CSMD1: variants seen among roughly 807,000 people sequenced by gnomAD.
CSMD1 encodes the protein CUB and Sushi multiple domains 1, also known as CUB and sushi domain-containing protein 1.
CSMD1 carries 213 observed loss-of-function variants against 417.5 expected under a neutral mutation model. The ratio of observed to expected loss-of-function variants is 0.51; its 90% CI spans 0.46 to 0.57. The LOEUF (loss-of-function observed/expected upper bound fraction) is 0.57. CSMD1 is among the 20% of genes least tolerant of loss of function. CSMD1 has a pLI of 0.00. For synonymous variants in CSMD1, 2,862 were observed against 1,736.8 expected (o/e 1.65, Z -16.11); for missense variants, 6,923 against 4,529.7 (o/e 1.53, Z -15.17).
intron 10 of CSMD1, among the ~76,000 whole-genome samples, chr8:3,561,639 G>C (rs927818887): frequency 6.6e-6 from 1 of 152,144 alleles, no homozygotes; most frequent in Non-Finnish European, 1.5e-5. Flanking sequence ...AGAGAGGCAG[G>C]AGAGTAAAGC....
Position 4,402,841 on chromosome 8 carries a change from G to C in CSMD1, c.415+17112C>G, listed in dbSNP as rs761536986. ...TTTTTCTTTTTTTTTTTTTTTTGGA[G>C]ACAGAGCCTTGCTCTGTTGCCAGGC... On this transcript the variant is annotated intron_variant, in intron 3 of 69. Transcript: ENST00000635120. Among the ~76,000 whole-genome samples, 11 of 100,162 alleles carry C rather than the reference G, an allele frequency of 1.1e-4. No homozygotes were observed. In the East Asian group the frequency reaches 1.4e-3, roughly 12 times the overall value. 65.7% of individuals were successfully genotyped at this position (100,162 alleles called of 152,430 possible).
chr8:3,905,903 C>G (rs1161553588), intron 5 of CSMD1, among the ~76,000 whole-genome samples: 1 of 152,204 alleles, frequency 6.6e-6, no homozygotes, highest in Non-Finnish European at 1.5e-5. Flanking sequence ...TTTATTTGCT[C>G]CTTTGCAATG....
intron 41 of CSMD1, among the ~76,000 whole-genome samples, chr8:3,133,141 C>G (rs1391012889): frequency 6.6e-6 from 1 of 152,370 alleles, no homozygotes; most frequent in East Asian, 1.9e-4. Flanking sequence ...GGCCGGCACA[C>G]AGCTTCTCCT....
intron 7 of CSMD1, among the ~76,000 whole-genome samples, chr8:3,668,604 G>C (rs895112568): frequency 1.3e-5 from 2 of 152,044 alleles, no homozygotes; most frequent in Non-Finnish European, 1.5e-5. Flanking sequence ...ATGCAAAAGA[G>C]ACGAAGCCCT....
intron 10 of CSMD1, among the ~76,000 whole-genome samples, chr8:3,525,319 G>A (rs1033899514): frequency 6.6e-6 from 1 of 152,160 alleles, no homozygotes; most frequent in Non-Finnish European, 1.5e-5. Context: ...AGCATTTCCA[G>A]TGAGAAGGGC....
At chr8:3,264,370 C>G (rs1484103865) in intron 26 of CSMD1, among the ~76,000 whole-genome samples, 1 of 152,090 alleles carries the variant, frequency 6.6e-6, no homozygotes, top group East Asian at 1.9e-4. Flanking sequence ...TACTTGTGTT[C>G]TATCTTTTCC....
At chr8:4,951,333 T>G (rs867633489) in intron 1 of CSMD1, among the ~76,000 whole-genome samples, 2 of 152,080 alleles carry the variant, frequency 1.3e-5, no homozygotes, top group Non-Finnish European at 2.9e-5. Context: ...ACCATATTTC[T>G]ATTACTTGAG....
intron 49 of CSMD1, among the ~76,000 whole-genome samples, chr8:3,086,193 GA>G (rs58057205): frequency 5.3e-5 from 8 of 151,318 alleles, no homozygotes; most frequent in Admixed American, 2.6e-4. Flanking sequence ...TTCTTGTAAA[GA>G]AAAAAAAATT....
At chr8:4,486,258 T>TATATATATACATAC in intron 2 of CSMD1, among the ~76,000 whole-genome samples, 2 of 26,026 alleles carry the variant, frequency 7.7e-5, no homozygotes, top group South Asian at 2.5e-3. Context: ...TACATATATA[T>TATATATATACATAC]ATATATATAT....
At chr8:4,461,317 A>C (rs987286680) in intron 2 of CSMD1, among the ~76,000 whole-genome samples, 3 of 152,042 alleles carry the variant, frequency 2.0e-5, no homozygotes, top group Middle Eastern at 3.2e-3. Flanking sequence ...TAAAATCAGC[A>C]ATAAGACAAA....
chr8:3,232,807 T>A (rs907382477), intron 26 of CSMD1, among the ~76,000 whole-genome samples: 22 of 152,148 alleles, frequency 1.4e-4, no homozygotes, highest in South Asian at 2.1e-4. Flanking sequence ...ACTAATTAAT[T>A]TTTTCTCGTG....
At chr8:2,952,398 C>A (rs1282405397) in intron 65 of CSMD1, among the ~76,000 whole-genome samples, 1 of 152,134 alleles carries the variant, frequency 6.6e-6, no homozygotes, top group Non-Finnish European at 1.5e-5. Context: ...CCTAGGCAGG[C>A]TGAACCTATA....
intron 43 of CSMD1, 58 bp from the exon 44 acceptor site, chr8:3,108,806 T>C (rs3802292): frequency 0.53 from 806,514 of 1,515,150 alleles, 215,815 homozygotes; most frequent in East Asian, 0.61. Context: ...GTGAGATTTA[T>C]GGAAACTTTG....
intron 3 of CSMD1, among the ~76,000 whole-genome samples, chr8:4,057,779 A>C (rs949789188): frequency 6.6e-6 from 1 of 152,114 alleles, no homozygotes; most frequent in South Asian, 2.1e-4. Context: ...AGCACCATTT[A>C]ATAAATAGGG....
In CSMD1 at chr8:3,414,025, A is replaced by C. The variant is rs111828463; in HGVS notation, c.1562-4420T>G. On this transcript the variant is annotated intron_variant, in intron 12 of 69. Transcript: ENST00000635120. ...ATGGTGGTGCACGCCTGGAATCCCAACTACTGGGGAGGCTGAAGCAGGAGA... is the reference window on the plus strand; with the variant it reads ...ATGGTGGTGCACGCCTGGAATCCCACCTACTGGGGAGGCTGAAGCAGGAGA... 1.1e-4 allele frequency among the ~76,000 whole-genome samples: 16 copies of C among 151,250 alleles called. No homozygotes were observed. The South Asian group carries it at 3.4e-3, about 32-fold the overall frequency.
intron 3 of CSMD1, among the ~76,000 whole-genome samples, chr8:4,165,233 T>A (rs1797388251): frequency 6.6e-6 from 1 of 152,214 alleles, no homozygotes; most frequent in South Asian, 2.1e-4. Context: ...GTCACTGTTC[T>A]TTTCAAAAGG....
intron 2 of CSMD1, among the ~76,000 whole-genome samples, chr8:4,545,715 G>A (rs3824272): frequency 1.8e-4 from 28 of 152,226 alleles, no homozygotes; most frequent in African/African-American, 6.5e-4. Context: ...TGATGCCAAC[G>A]GATAGCAAAT....
intron 12 of CSMD1, among the ~76,000 whole-genome samples, chr8:3,454,098 G>A (rs1041062466): frequency 1.3e-5 from 2 of 152,032 alleles, no homozygotes; most frequent in African/African-American, 4.8e-5. Context: ...ATCTTTGTTG[G>A]TTTAAAGTCT....
intron 5 of CSMD1, among the ~76,000 whole-genome samples, chr8:3,788,970 C>G (rs1799588033): frequency 6.6e-6 from 1 of 152,174 alleles, no homozygotes; most frequent in Non-Finnish European, 1.5e-5. Flanking sequence ...TGCAGATAAT[C>G]TGATTCCAAA....
Sources: gnomAD v4.1 joint callset for allele counts (sites outside exome capture counted in the v4.1 genomes callset) on GRCh38, gnomAD v4.1.1 for gene constraint, MANE v1.5 for transcripts, NCBI Gene and HGNC (gene_info 2026-07-23, HGNC 2026-07-21) for gene names.